Variants in NRAP observed in about 807,000 individuals in gnomAD.
The protein encoded by NRAP is nebulin related anchoring protein, also known as nebulin-related-anchoring protein.
A neutral mutation model predicts 225.9 loss-of-function variants in NRAP; 189 were observed. The observed-to-expected ratio is 0.84, with a 90% CI of 0.74 to 0.94. The LOEUF is 0.94. Ranked by LOEUF, NRAP falls within the 40% of genes least tolerant of loss-of-function variation. The pLI is 0.00. For missense variants in NRAP, 2,176 were observed against 2,168.7 expected (o/e 1.00, Z -0.07); for synonymous variants, 769 against 790.7 (o/e 0.97, Z 0.46).
In NRAP at chr10:113,638,798, T is replaced by C. The variant is rs572737424; in HGVS notation, c.1428+1429A>G. Among the ~76,000 whole-genome samples the C allele has an allele frequency of 3.3e-5, 5 of 152,296 alleles. No homozygotes were observed. The South Asian group carries it at 1.0e-3, about 32-fold the overall frequency. On this transcript the variant is annotated intron_variant, in intron 14 of 41. Transcript: ENST00000359988. ...GTAGCCAAACAAAGCACTTCCGTAG[T>C]GCAAATGTGGCTCATGGGCTGCCAG...
chr10:113,605,676 T>G, intron 34 of NRAP, 86 bp downstream of exon 34: 1 of 890,660 alleles, frequency 1.1e-6, no homozygotes, highest in East Asian at 2.4e-5. Flanking sequence ...AGATTTGCTT[T>G]AATTCAGGAA....
intron 20 of NRAP, among the ~76,000 whole-genome samples, chr10:113,628,192 TA>T (rs1276783779): frequency 6.6e-6 from 1 of 152,126 alleles, no homozygotes; most frequent in Non-Finnish European, 1.5e-5. Context: ...TATTTTATTT[TA>T]TTTATTCTTT....
chr10:113,626,782 A>G (rs899651009), intron 20 of NRAP, among the ~76,000 whole-genome samples: 15 of 152,178 alleles, frequency 9.9e-5, no homozygotes, highest in Non-Finnish European at 2.1e-4. Context: ...ATTCGCCTTC[A>G]CAGTTTCTGA....
At chr10:113,649,727 A>G (rs746292537) in intron 9 of NRAP, among the ~76,000 whole-genome samples, 3 of 152,170 alleles carry the variant, frequency 2.0e-5, no homozygotes, top group East Asian at 1.9e-4. Context: ...AGCTTAGCCA[A>G]TCTTAGTCCT....
chr10:113,627,513 G>A (rs901082733), intron 20 of NRAP, among the ~76,000 whole-genome samples: 4 of 152,164 alleles, frequency 2.6e-5, no homozygotes, highest in African/African-American at 9.7e-5. Flanking sequence ...CAAGACAGAC[G>A]GGGCTCTGAT....
rs539457770 is a variant in NRAP, at chr10:113,623,980, C to T, written c.2350-344G>A. On this transcript the variant is annotated intron_variant, in intron 22 of 41. Coordinates refer to ENST00000359988, the MANE Select transcript of NRAP (RefSeq NM_198060.4). ...AAAGTCTATTCTCCATCTCTGTCCA[C>T]GCACCCCACCCTGCCAGCAGCGGCT... 4.5e-4 allele frequency among the ~76,000 whole-genome samples: 69 copies of T among 152,306 alleles called. 1 individual carries two copies. The highest frequency in any genetic ancestry group is 1.1e-3 in the African/African-American group (45 of 41,558).
rs577870560 is a variant in NRAP, at chr10:113,589,797, C to A, written c.4957G>T (p.Val1653Phe). The A allele has an allele frequency of 1.2e-6, 2 of 1,613,616 alleles. No homozygotes were observed. The highest frequency in any genetic ancestry group is 2.2e-5 in the East Asian group (1 of 44,868). The change falls in exon 41 of 42, where the codon GTC becomes TTC. Residue 1653 changes from valine (V) to phenylalanine (F), a missense_variant and splice_region_variant. Physicochemically the swap from Val to Phe is conservative, Grantham distance 50. This residue lies in a region of NRAP where 445 missense variants were observed against 426.1 expected (regional missense o/e 1.04). Coordinates refer to ENST00000359988, the MANE Select transcript of NRAP (RefSeq NM_198060.4). ...AGGTTCAAGTCTGATTTATACTTGA[C>A]CTTGAGGGTAAGAGGGAAGCAAGAG... is the stretch of plus-strand genomic sequence containing the variant. ...AQKAHQLQSD[V>F]KYKSDLNLTR...
chr10:113,641,616 A>C lies in NRAP; in HGVS notation c.1216-144T>G, dbSNP rs796332950. On this transcript the variant is annotated intron_variant, in intron 12 of 41. Coordinates refer to ENST00000359988, the MANE Select transcript of NRAP (RefSeq NM_198060.4). ...TAGTCAACGTATCACAGAATAAAAA[A>C]TAAGGCAAACTTTTTTTTAATAACG... The C allele has an allele frequency of 1.4e-5, 8 of 573,904 alleles. No homozygotes were observed. In the African/African-American group the frequency reaches 1.5e-4, roughly 11 times the overall value. The allele number at this position is 573,904 out of a possible 1,614,324, so 35.6% of individuals were successfully genotyped here.
intron 9 of NRAP, among the ~76,000 whole-genome samples, chr10:113,648,467 C>CTCTCTCTATA (rs749486311): frequency 0.015 from 1,324 of 87,248 alleles, 13 homozygotes; most frequent in Non-Finnish European, 0.016. Flanking sequence ...CTCTCTCTCT[C>CTCTCTCTATA]TATATATATA....
At chr10:113,642,723 A>C (rs866913800) in intron 12 of NRAP, among the ~76,000 whole-genome samples, 1 of 152,178 alleles carries the variant, frequency 6.6e-6, no homozygotes, top group Non-Finnish European at 1.5e-5. Flanking sequence ...CGCCCAGAGG[A>C]CTCAGGGTCA....
intron 32 of NRAP, among the ~76,000 whole-genome samples, chr10:113,607,413 A>C (rs1309481987): frequency 1.3e-4 from 7 of 52,600 alleles, no homozygotes; most frequent in African/African-American, 4.2e-4. Context: ...AAAAAAAAAA[A>C]AAAAAAAAAA....
intron 11 of NRAP, among the ~76,000 whole-genome samples, chr10:113,643,735 T>C (rs551758114): frequency 6.6e-6 from 1 of 152,360 alleles, no homozygotes; most frequent in African/African-American, 2.4e-5. Flanking sequence ...ATGGCTGGTT[T>C]GTCTTACTGA....
Position 113,654,102 on chromosome 10 carries a change from C to T in NRAP, c.384G>A (p.Gly128=), listed in dbSNP as rs1170675862. ...CTCCTGGGCACCAAGCATTCCCTTC[C>T]CCATATCCAGTCCAATAGGCTCTCT... is the stretch of plus-strand genomic sequence containing the variant. The part of the protein sequence containing the change: ...ANERAYWTGY[G]EGNAWCPGAL... The change falls in exon 5 of 42, where the codon GGG becomes GGA. Residue 128 remains glycine (G), a synonymous_variant. Coordinates refer to ENST00000359988, the MANE Select transcript of NRAP (RefSeq NM_198060.4). 1 of 1,612,834 alleles carries T rather than the reference C, an allele frequency of 6.2e-7. No individual in the cohort carries two copies. The highest frequency in any genetic ancestry group is 1.3e-5 in the African/African-American group (1 of 74,966).
chr10:113,614,987 C>G (rs1433365236), intron 27 of NRAP, 41 bp from the exon 28 acceptor site: 3 of 1,203,996 alleles, frequency 2.5e-6, no homozygotes, highest in Admixed American at 3.4e-5. Context: ...TTTAAGTGAC[C>G]TGGTGGTTTC....
At chr10:113,620,509 T>C in intron 25 of NRAP, 95 bp downstream of exon 25, 1 of 920,030 alleles carries the variant, frequency 1.1e-6, no homozygotes, top group Admixed American at 1.9e-5. Context: ...TTTGCCTTTT[T>C]CTTTGCCTTT....
chr10:113,592,249 C>G lies in NRAP; in HGVS notation c.4589G>C (p.Arg1530Thr). ...EQTRAGSYDF[R>T]LDAIPFQTAR... The stretch of plus-strand genomic sequence containing the variant: ...AGTCTGGAAGGGGATGGCATCCAGC[C>G]TGAAGTCATAACTGCCAGCCCGGGT... The change falls in exon 39 of 42, where the codon AGG (arginine) becomes ACG (threonine). Residue 1530 changes from arginine to threonine, a missense_variant. By Grantham distance (71) the Arg-to-Thr change is moderately conservative (BLOSUM62 -1). Coordinates refer to ENST00000359988, the MANE Select transcript of NRAP (RefSeq NM_198060.4). 1 of 1,612,946 alleles carries G rather than the reference C, an allele frequency of 6.2e-7. No homozygotes were observed. Among genetic ancestry groups the G allele is most frequent in the Non-Finnish European group, 8.5e-7 (1 of 1,179,378 alleles).
At position 113,604,741 on chromosome 10, in the gene NRAP, G is replaced by A. The variant is rs764082203; in HGVS notation, c.4095C>T (p.His1365=). The A allele has an allele frequency of 6.2e-7, 1 of 1,614,196 alleles. No individual in the cohort carries two copies. Among genetic ancestry groups the A allele is most frequent in the South Asian group, 1.1e-5 (1 of 91,084 alleles). Residue 1365 remains histidine, a synonymous_variant, in exon 35 of 42, where the codon CAC becomes CAT. Transcript: ENST00000359988. ...CCTGGGCATTCTTGGCATGGACCAG[G>A]TGCACCATGTCCATGGGCAGATGGA... ...AQFHLPMDMV[H]LVHAKNAQAL...
intron 35 of NRAP, among the ~76,000 whole-genome samples, chr10:113,600,066 T>C (rs1846505303): frequency 6.6e-6 from 1 of 152,044 alleles, no homozygotes; most frequent in African/African-American, 2.4e-5. Flanking sequence ...ATAAGAAACA[T>C]TACAATCAAG....
chr10:113,629,972 G>T (rs1018244339), intron 18 of NRAP, among the ~76,000 whole-genome samples, 187 bp from the exon 19 acceptor site: 1 of 152,208 alleles, frequency 6.6e-6, no homozygotes, highest in Non-Finnish European at 1.5e-5. Context: ...GGGAGCTGAG[G>T]TTCCATACTA....
Sources: gnomAD v4.1 joint callset for allele counts (sites outside exome capture counted in the v4.1 genomes callset) on GRCh38, gnomAD v4.1.1 for gene constraint, gnomAD v4.1.1 regional missense constraint, MANE v1.5 for transcripts, NCBI Gene and HGNC (gene_info 2026-07-23, HGNC 2026-07-21) for gene names.